MAP3K14: variants seen among roughly 807,000 people sequenced by gnomAD.
The protein encoded by MAP3K14 is mitogen-activated protein kinase kinase kinase 14, also known as NF-kappa-beta-inducing kinase.
In MAP3K14, 16 loss-of-function variants were observed where a neutral mutation model predicts 99.2. That is an observed-to-expected ratio of 0.16 (90% CI 0.11 to 0.24). MAP3K14 has a LOEUF of 0.24. Among genes scored for constraint, MAP3K14 ranks in the 10% least tolerant of loss-of-function variants. The pLI, the probability that MAP3K14 is intolerant of heterozygous loss-of-function variation, is 1.00. For missense variants in MAP3K14, 784 were observed against 1,208.7 expected, an observed-to-expected ratio of 0.65 and a Z score of 5.21; for synonymous variants, 462 against 492.4, an observed-to-expected ratio of 0.94 and a Z score of 0.82.
chr17:45,281,434 TC>T (rs1450625123), intron 6 of MAP3K14, among the ~76,000 whole-genome samples: 1 of 150,102 alleles, frequency 6.7e-6, no homozygotes, highest in South Asian at 2.1e-4. Context: ...AACCTCTGCC[TC>T]CTGGGTTCAA....
At chr17:45,283,462 T>C (rs535543932) in intron 6 of MAP3K14, among the ~76,000 whole-genome samples, 2 of 152,304 alleles carry the variant, frequency 1.3e-5, no homozygotes, top group African/African-American at 2.4e-5. Flanking sequence ...TACCTGCAGA[T>C]AGTCCCCTCA....
chr17:45,274,063 G>C (rs2143790822), intron 8 of MAP3K14, 60 bp downstream of exon 8: 1 of 1,581,398 alleles, frequency 6.3e-7, no homozygotes, highest in Non-Finnish European at 8.6e-7. Context: ...GAGGAGATCA[G>C]ACAGGATGGT....
intron 10 of MAP3K14, chr17:45,270,777 C>A (rs1038877917): frequency 1.3e-6 from 1 of 787,238 alleles, no homozygotes; most frequent in Admixed American, 3.0e-5. Flanking sequence ...CAGCAAGACG[C>A]CCACAGCCTC....
chr17:45,274,232 G>C lies in MAP3K14; in HGVS notation c.1443C>G (p.Val481=), dbSNP rs144370657. ...LLEGGSLGQL[V]KEQGCLPEDR... ...CCTCTGGGAGACAGCCCTGCTCCTT[G>C]ACCAGCTGGCCCAGGGAGCCACCTA... Residue 481 remains valine, a synonymous_variant, in exon 8 of 16, where the codon GTC becomes GTG. Transcript: ENST00000344686. 1.1e-5 allele frequency: 17 copies of C among 1,599,582 alleles called. No homozygotes were observed. Among genetic ancestry groups the C allele is most frequent in the Non-Finnish European group, 1.4e-5 (16 of 1,173,114 alleles).
At chr17:45,282,179 C>T (rs533542490) in intron 6 of MAP3K14, 1 of 152,270 alleles carries the variant, frequency 6.6e-6, no homozygotes, top group East Asian at 1.9e-4. Flanking sequence ...TCAAGCAATC[C>T]TCCCACCTCA....
chr17:45,303,229 C>A (rs28485775), intron 1 of MAP3K14, among the ~76,000 whole-genome samples: 1 of 152,240 alleles, frequency 6.6e-6, no homozygotes, highest in African/African-American at 2.4e-5. Flanking sequence ...GCTAGCCTCT[C>A]CTGCCTTTCT....
intron 3 of MAP3K14, among the ~76,000 whole-genome samples, chr17:45,288,615 A>G (rs944106402): frequency 1.3e-5 from 2 of 152,028 alleles, no homozygotes; most frequent in East Asian, 3.9e-4. Flanking sequence ...TGACCTCGTG[A>G]TCCACCTGCC....
chr17:45,314,076 G>C (rs1178878472), intron 1 of MAP3K14, among the ~76,000 whole-genome samples: 1 of 152,124 alleles, frequency 6.6e-6, no homozygotes, highest in Non-Finnish European at 1.5e-5. Flanking sequence ...AAGGGAAGAG[G>C]CTCCTTTAAA....
At chr17:45,307,937 C>T (rs1316852799) in intron 1 of MAP3K14, among the ~76,000 whole-genome samples, 1 of 152,228 alleles carries the variant, frequency 6.6e-6, no homozygotes, top group Non-Finnish European at 1.5e-5. Context: ...GATGCTGCCC[C>T]ACATGCTCTT....
chr17:45,287,410 G>A (rs763539480), intron 3 of MAP3K14, 46 bp from the exon 4 acceptor site: 3 of 1,540,450 alleles, frequency 1.9e-6, no homozygotes, highest in Non-Finnish European at 2.7e-6. Flanking sequence ...GAGGAAGCAG[G>A]AAGATGGACT....
rs34255989 is a variant in MAP3K14, at chr17:45,285,399, G to A, written c.1153-450C>T. Among the ~76,000 whole-genome samples, 572 of 152,256 alleles carry A rather than the reference G, an allele frequency of 3.8e-3. 4 individuals are homozygous for A. The highest frequency in any genetic ancestry group is 0.012 in the African/African-American group (493 of 41,528). Reference sequence around the variant, plus strand: ...CCAGCACTTTGGGAGGCCAAGGTGGGCAGATCACTTGAGGTCAGGAGTTTG... The same window carrying A: ...CCAGCACTTTGGGAGGCCAAGGTGGACAGATCACTTGAGGTCAGGAGTTTG... On this transcript the variant is annotated intron_variant, in intron 5 of 15. Coordinates refer to ENST00000344686, the MANE Select transcript of MAP3K14 (RefSeq NM_003954.5).
chr17:45,292,168 T>C (rs551819107), intron 1 of MAP3K14, among the ~76,000 whole-genome samples: 4 of 152,230 alleles, frequency 2.6e-5, no homozygotes, highest in Non-Finnish European at 4.4e-5. Context: ...AGCTCTGAAC[T>C]TGGAGCAGCT....
rs200074275 is a variant in MAP3K14, at chr17:45,308,989, T to A, written c.-21+7971A>T. ...GCAATGTCCAGCTAGTTTAAAAAAA[T>A]TTTTTTTTTGGAGGTGGATCTCACT... is the stretch of plus-strand genomic sequence containing the variant. On this transcript the variant is annotated intron_variant, in intron 1 of 15. Transcript: ENST00000344686. Among the ~76,000 whole-genome samples the A allele has an allele frequency of 7.0e-3, 265 of 37,930 alleles. 2 individuals are homozygous for A. Among genetic ancestry groups the A allele is most frequent in the East Asian group, 0.012 (5 of 404 alleles). The allele number at this position is 37,930 out of a possible 152,430, so 24.9% of individuals were successfully genotyped here.
chr17:45,316,773 G>A (rs905685825), intron 1 of MAP3K14, among the ~76,000 whole-genome samples, 187 bp downstream of exon 1: 2 of 151,786 alleles, frequency 1.3e-5, no homozygotes, highest in South Asian at 4.1e-4. Flanking sequence ...CGCGTGCGAG[G>A]GCGCGCCCGC....
intron 1 of MAP3K14, among the ~76,000 whole-genome samples, chr17:45,299,905 C>T (rs1459751420): frequency 6.6e-6 from 1 of 151,846 alleles, no homozygotes; most frequent in African/African-American, 2.4e-5. Flanking sequence ...GCCTGGGCAA[C>T]ATAGTGAAAC....
At chr17:45,296,700 T>C (rs2044348848) in intron 1 of MAP3K14, among the ~76,000 whole-genome samples, 1 of 152,158 alleles carries the variant, frequency 6.6e-6, no homozygotes. Context: ...TCCCCCAGTT[T>C]GTTCCAGACT....
chr17:45,303,926 A>G (rs1280389464), intron 1 of MAP3K14, among the ~76,000 whole-genome samples: 1 of 152,024 alleles, frequency 6.6e-6, no homozygotes, highest in Non-Finnish European at 1.5e-5. Context: ...ATACACATGT[A>G]ATGTCATACA....
intron 1 of MAP3K14, among the ~76,000 whole-genome samples, chr17:45,315,280 G>A (rs544029514): frequency 6.6e-6 from 1 of 151,984 alleles, no homozygotes; most frequent in African/African-American, 2.4e-5. Flanking sequence ...CAATACCAAT[G>A]ACAAAAAACC....
Position 45,267,926 on chromosome 17 carries a change from C to T in MAP3K14, c.1973-167G>A, listed in dbSNP as rs569824851. 3.0e-4 allele frequency: 174 copies of T among 588,836 alleles called. 1 individual carries two copies. The highest frequency in any genetic ancestry group is 2.8e-3 in the African/African-American group (143 of 51,998). 36.5% of individuals were successfully genotyped at this position (588,836 alleles called of 1,614,324 possible). A position where few individuals can be genotyped will look rare whatever the true frequency, so the allele number is the denominator to read the frequency against. On this transcript the variant is annotated intron_variant, in intron 11 of 15. Coordinates refer to ENST00000344686, the MANE Select transcript of MAP3K14 (RefSeq NM_003954.5). The surrounding 1 kb of genome is among the most constrained non-coding windows in gnomAD (Gnocchi z 5.1). The stretch of plus-strand genomic sequence containing the variant: ...CTCCAGAGGGCAGCATGGTGGTCTC[C>T]ACAGGAGACTTCCTCAATAAAATGG...
Sources: allele counts gnomAD v4.1 joint callset (sites outside exome capture counted in the v4.1 genomes callset), GRCh38; gene constraint gnomAD v4.1.1; non-coding constraint Gnocchi (gnomAD v3.1); transcripts MANE v1.5; gene names NCBI Gene and HGNC (gene_info 2026-07-23, HGNC 2026-07-21).